Variants in EYS observed in about 807,000 individuals in gnomAD.
EYS encodes the protein EGF-like photoreceptor maintenance factor.
Under a neutral mutation model 282.1 loss-of-function variants are expected in EYS, and 250 were observed. The ratio of observed to expected loss-of-function variants is 0.89; its 90% CI spans 0.80 to 0.98. The LOEUF is 0.98. Among genes scored for constraint, EYS ranks in the 50% least tolerant of loss-of-function variants. The pLI, the probability that EYS is intolerant of heterozygous loss-of-function variation, is 0.00. For missense variants in EYS, 4,016 were observed against 3,709.0 expected (o/e 1.08, Z -2.15); for synonymous variants, 1,355 against 1,282.9 (o/e 1.06, Z -1.20).
chr6:65,061,900 T>C (rs1229033118), intron 12 of EYS, among the ~76,000 whole-genome samples: 1 of 151,960 alleles, frequency 6.6e-6, no homozygotes, highest in East Asian at 1.9e-4. Flanking sequence ...TATGCTTTCT[T>C]TACTCTGGGT....
chr6:63,984,136 A>G (rs943722441), intron 35 of EYS, among the ~76,000 whole-genome samples: 20 of 151,784 alleles, frequency 1.3e-4, no homozygotes, highest in Admixed American at 5.3e-4. Context: ...AATTGCCAAA[A>G]CCAGGTCTAG....
chr6:64,844,722 T>C (rs1765669221), intron 19 of EYS, among the ~76,000 whole-genome samples: 1 of 152,186 alleles, frequency 6.6e-6, no homozygotes, highest in Non-Finnish European at 1.5e-5. Context: ...GTAGAGTTCC[T>C]GTTCCAACTT....
At chr6:64,992,104 G>T (rs908641067) in intron 14 of EYS, among the ~76,000 whole-genome samples, 7 of 151,886 alleles carry the variant, frequency 4.6e-5, no homozygotes, top group African/African-American at 1.4e-4. Flanking sequence ...CCCTATTTTA[G>T]AACAATTGAG....
chr6:64,600,582 AG>A, intron 24 of EYS, among the ~76,000 whole-genome samples: 1 of 152,204 alleles, frequency 6.6e-6, no homozygotes, highest in Middle Eastern at 3.4e-3. Flanking sequence ...ATCAGTATGT[AG>A]GGTTCATGAT....
intron 8 of EYS, among the ~76,000 whole-genome samples, chr6:65,360,271 C>A (rs1764652192): frequency 6.6e-6 from 1 of 151,790 alleles, no homozygotes; most frequent in South Asian, 2.1e-4. Context: ...TTTCAAAAAG[C>A]AATGATGAAT....
chr6:63,778,040 C>A lies in EYS; in HGVS notation c.7864G>T (p.Gly2622Cys). Residue 2622 changes from glycine (G) to cysteine (C), a missense_variant, in exon 40 of 43, where the codon GGT (glycine) becomes TGT (cysteine). Physicochemically the swap from Gly to Cys is radical, Grantham distance 159. Transcript: ENST00000503581. ...SPCSLMKCGNGGTCIESGTSV... is the reference protein window; with the variant it reads ...SPCSLMKCGNCGTCIESGTSV... ...GTTCCACTCTCTATGCATGTCCCAC[C>A]ATTGCCACATTTCATTAAACTGCAG... is the stretch of plus-strand genomic sequence containing the variant. 1 of 1,551,658 alleles carries A rather than the reference C, an allele frequency of 6.4e-7. No individual in the cohort carries two copies. Among genetic ancestry groups the A allele is most frequent in the Non-Finnish European group, 8.7e-7 (1 of 1,146,930 alleles).
At chr6:65,420,170 C>T (rs1280916354) in intron 5 of EYS, among the ~76,000 whole-genome samples, 4 of 151,926 alleles carry the variant, frequency 2.6e-5, no homozygotes, top group Non-Finnish European at 2.9e-5. Context: ...CTGTAGCATG[C>T]AATGCCATTT....
At chr6:65,341,349 C>T (rs890610971) in intron 10 of EYS, among the ~76,000 whole-genome samples, 13 of 151,106 alleles carry the variant, frequency 8.6e-5, no homozygotes, top group Non-Finnish European at 1.6e-4. Flanking sequence ...GTCTTTTATA[C>T]CTGGACACCA....
chr6:64,104,819 C>T (rs1191664022), intron 31 of EYS, among the ~76,000 whole-genome samples: 1 of 149,504 alleles, frequency 6.7e-6, no homozygotes, highest in African/African-American at 2.5e-5. Flanking sequence ...CCCACTAATC[C>T]TGTTTAGTCT....
At chr6:65,388,025 C>A (rs952641052) in intron 7 of EYS, among the ~76,000 whole-genome samples, 3 of 151,938 alleles carry the variant, frequency 2.0e-5, no homozygotes, top group Non-Finnish European at 2.9e-5. Flanking sequence ...AATACTATTG[C>A]ATGCTTACAT....
At chr6:64,880,099 A>T (rs1404519472) in intron 19 of EYS, among the ~76,000 whole-genome samples, 1 of 152,036 alleles carries the variant, frequency 6.6e-6, no homozygotes, top group Non-Finnish European at 1.5e-5. Context: ...CTGATTCTGT[A>T]ACTGTTAAGC....
intron 5 of EYS, among the ~76,000 whole-genome samples, chr6:65,449,720 C>A (rs1386497336): frequency 6.6e-6 from 1 of 152,038 alleles, no homozygotes; most frequent in East Asian, 1.9e-4. Flanking sequence ...GGACCTTGTT[C>A]ATTTCCTCCC....
chr6:64,731,475 A>G (rs1480912157), intron 22 of EYS, among the ~76,000 whole-genome samples: 1 of 152,246 alleles, frequency 6.6e-6, no homozygotes, highest in Non-Finnish European at 1.5e-5. Flanking sequence ...CAAGAAAAAT[A>G]CAATGCTATC....
intron 2 of EYS, among the ~76,000 whole-genome samples, chr6:65,614,078 C>T (rs530965073): frequency 4.6e-5 from 7 of 152,016 alleles, no homozygotes; most frequent in South Asian, 4.1e-4. Flanking sequence ...ATATACAATA[C>T]GACGTGTCTT....
At chr6:64,858,742 C>A (rs1766146322) in intron 19 of EYS, among the ~76,000 whole-genome samples, 1 of 152,022 alleles carries the variant, frequency 6.6e-6, no homozygotes, top group Admixed American at 6.6e-5. Context: ...ATGAAATCAT[C>A]TCAATAGATG....
At chr6:64,247,676 T>A (rs1767062642) in intron 30 of EYS, among the ~76,000 whole-genome samples, 1 of 152,144 alleles carries the variant, frequency 6.6e-6, no homozygotes, top group African/African-American at 2.4e-5. Flanking sequence ...GCATAATGCA[T>A]TGAGGGTGAC....
At chr6:64,722,755 C>T (rs1771624861) in intron 22 of EYS, among the ~76,000 whole-genome samples, 1 of 152,162 alleles carries the variant, frequency 6.6e-6, no homozygotes, top group African/African-American at 2.4e-5. Context: ...TGGCCATTAA[C>T]ATCTTGTAAC....
intron 35 of EYS, among the ~76,000 whole-genome samples, chr6:63,952,197 C>A (rs1765625619): frequency 6.6e-6 from 1 of 152,232 alleles, no homozygotes; most frequent in Non-Finnish European, 1.5e-5. Flanking sequence ...GAAATCTGGC[C>A]ACTGGGCCAA....
chr6:64,355,784 C>T (rs116630815), intron 29 of EYS, among the ~76,000 whole-genome samples: 1 of 151,616 alleles, frequency 6.6e-6, no homozygotes, highest in Admixed American at 6.6e-5. Flanking sequence ...AGAGCTCTCC[C>T]TAGCAGAGTT....
Sources: gnomAD v4.1 joint callset for allele counts (sites outside exome capture counted in the v4.1 genomes callset) on GRCh38, gnomAD v4.1.1 for gene constraint, MANE v1.5 for transcripts, NCBI Gene and HGNC (gene_info 2026-07-23, HGNC 2026-07-21) for gene names.